Variants in NSD2 observed in about 807,000 individuals in gnomAD.
The protein encoded by NSD2 is histone-lysine N-methyltransferase NSD2.
NSD2 carries 12 observed loss-of-function variants against 139.0 expected under a neutral mutation model. That is an observed-to-expected ratio of 0.09 (90% CI 0.06 to 0.14). NSD2 has a LOEUF of 0.14. Ranked by LOEUF, NSD2 falls within the 10% of genes least tolerant of loss-of-function variation. The probability of loss-of-function intolerance (pLI) is 1.00; values close to 1 mark genes in which losing one functional copy is unlikely to be tolerated. For missense variants in NSD2, 1,155 were observed against 1,745.0 expected, an observed-to-expected ratio of 0.66 and a Z score of 6.02; for synonymous variants, 669 against 648.7, an observed-to-expected ratio of 1.03 and a Z score of -0.48.
intron 6 of NSD2, among the ~76,000 whole-genome samples, chr4:1,934,211 G>A (rs188782827): frequency 6.6e-6 from 1 of 151,648 alleles, no homozygotes; most frequent in East Asian, 2.0e-4. Flanking sequence ...TCAGCCTCCT[G>A]TGTAGCTGAG....
chr4:1,895,700 C>T (rs1430355138), intron 1 of NSD2, among the ~76,000 whole-genome samples: 6 of 152,190 alleles, frequency 3.9e-5, no homozygotes, highest in East Asian at 1.9e-4. Context: ...GTGGCTCTCC[C>T]GGGGAGAGGG....
In NSD2 at chr4:1,911,598, AAAAAAAAAAG is replaced by A. The variant is rs1560621291; in HGVS notation, c.761-5263_761-5254del. 7.8e-4 allele frequency among the ~76,000 whole-genome samples: 115 copies of A among 148,346 alleles called. 3 individuals carry two copies. The South Asian group carries it at 0.02, about 26-fold the overall frequency. ...GCGAGACGCCATCTCAAAAAAAAAA[AAAAAAAAAAG>A]AAAAAAAAAAAGAAAGAAAGAAATT... On this transcript the variant is annotated intron_variant, in intron 3 of 21. Transcript: ENST00000508803.
At chr4:1,883,303 C>A (rs1402797103) in intron 1 of NSD2, among the ~76,000 whole-genome samples, 1 of 151,956 alleles carries the variant, frequency 6.6e-6, no homozygotes, top group African/African-American at 2.4e-5. Context: ...TCAATGAACC[C>A]CACCTTGATA....
At position 1,918,465 on chromosome 4, in the gene NSD2, A is replaced by G; in HGVS notation, c.1252A>G (p.Ile418Val). 4.3e-6 allele frequency: 7 copies of G among 1,614,112 alleles called. No individual in the cohort carries two copies. The highest frequency in any genetic ancestry group is 5.9e-6 in the Non-Finnish European group (7 of 1,180,026). The change falls in exon 5 of 22, where the codon ATA (isoleucine) becomes GTA (valine). Residue 418 changes from isoleucine (I) to valine (V), a missense_variant. Physicochemically the swap from Ile to Val is conservative, Grantham distance 29. Coordinates refer to ENST00000508803, the MANE Select transcript of NSD2 (RefSeq NM_001042424.3). ...SAETLESHPD[I>V]GKSTPQKTAE... ...AGAGACCCTGGAGAGTCACCCCGAC[A>G]TAGGGAAGAGTACTCCTCAAAAGAC...
intron 6 of NSD2, among the ~76,000 whole-genome samples, chr4:1,933,763 G>T (rs1437608790): frequency 2.0e-5 from 3 of 152,152 alleles, no homozygotes; most frequent in African/African-American, 4.8e-5. Context: ...TCATGCAAAT[G>T]ATAATATTGG....
intron 5 of NSD2, among the ~76,000 whole-genome samples, chr4:1,929,354 A>G (rs1201466925): frequency 6.6e-6 from 1 of 152,196 alleles, no homozygotes; most frequent in African/African-American, 2.4e-5. Flanking sequence ...TAACCAACCA[A>G]CATTAACCTG....
intron 5 of NSD2, among the ~76,000 whole-genome samples, chr4:1,924,530 T>C (rs1720593270): frequency 6.6e-6 from 1 of 152,144 alleles, no homozygotes; most frequent in Non-Finnish European, 1.5e-5. Context: ...ATGGTCCTTC[T>C]AGTGCTAAGA....
intron 5 of NSD2, among the ~76,000 whole-genome samples, chr4:1,922,009 G>A (rs1018076594): frequency 3.9e-5 from 6 of 151,992 alleles, no homozygotes; most frequent in African/African-American, 9.7e-5. Context: ...TTAGCCAGGC[G>A]TGGTGATGCG....
intron 1 of NSD2, among the ~76,000 whole-genome samples, chr4:1,877,732 G>T (rs1226488345): frequency 6.6e-6 from 1 of 152,148 alleles, no homozygotes; most frequent in Admixed American, 6.5e-5. Context: ...CTGCAGCTCT[G>T]CTGCCTCCGA....
chr4:1,872,563 T>TG (rs1713873588), intron 1 of NSD2, among the ~76,000 whole-genome samples: 3 of 116,716 alleles, frequency 2.6e-5, no homozygotes, highest in East Asian at 2.6e-4. Flanking sequence ...TAACGTGTAT[T>TG]TTGTGTGTGT....
At chr4:1,911,853 G>A (rs567162945) in intron 3 of NSD2, among the ~76,000 whole-genome samples, 1 of 152,132 alleles carries the variant, frequency 6.6e-6, no homozygotes, top group Non-Finnish European at 1.5e-5. Flanking sequence ...ACAAACTTGG[G>A]ATCAGATTAC....
In NSD2 at chr4:1,955,383, C is replaced by A; in HGVS notation, c.2518+43C>A. ...GTCTGCGGCACACGCCTCTCACACT[C>A]CCAGGAGCCACATATCAAGGCAGGC... On this transcript the variant is annotated intron_variant, in intron 13 of 21. Coordinates refer to ENST00000508803, the MANE Select transcript of NSD2 (RefSeq NM_001042424.3). The surrounding 1 kb of genome is among the most constrained non-coding windows in gnomAD (Gnocchi z 4.7). 6.4e-7 allele frequency: 1 copy of A among 1,571,702 alleles called. No individual in the cohort carries two copies. The highest frequency in any genetic ancestry group is 8.7e-7 in the Non-Finnish European group (1 of 1,155,352).
At chr4:1,911,616 A>AAAAG (rs1293509859) in intron 3 of NSD2, among the ~76,000 whole-genome samples, 1 of 150,846 alleles carries the variant, frequency 6.6e-6, no homozygotes, top group Non-Finnish European at 1.5e-5. Flanking sequence ...AAGAAAAAAA[A>AAAAG]AAAGAAAGAA....
intron 18 of NSD2, among the ~76,000 whole-genome samples, chr4:1,971,016 A>T (rs1726413079): frequency 6.6e-6 from 1 of 152,232 alleles, no homozygotes; most frequent in African/African-American, 2.4e-5. Context: ...ATAAAACCGA[A>T]TTCTCTGCAG....
chr4:1,946,594 A>C, intron 9 of NSD2: 3 of 1,025,102 alleles, frequency 2.9e-6, no homozygotes, highest in Non-Finnish European at 3.5e-6. Context: ...TAAAAGAAAT[A>C]TTCTGATTCA....
chr4:1,975,554 C>G (rs753687101), intron 20 of NSD2, 154 bp downstream of exon 20: 4 of 645,356 alleles, frequency 6.2e-6, no homozygotes, highest in Non-Finnish European at 1.1e-5. Context: ...GGGAGGATGG[C>G]TCTCAACAAA....
chr4:1,901,300 C>T, intron 2 of NSD2, 49 bp downstream of exon 2: 2 of 1,478,260 alleles, frequency 1.4e-6, no homozygotes, highest in Non-Finnish European at 9.1e-7. Context: ...GAGCAGTGAG[C>T]ATGGCCACCC....
At chr4:1,934,893 A>G (rs1312947162) in intron 6 of NSD2, among the ~76,000 whole-genome samples, 2 of 128,072 alleles carry the variant, frequency 1.6e-5, no homozygotes, top group Non-Finnish European at 3.2e-5. Flanking sequence ...ATATATATAT[A>G]TATATATATA....
intron 1 of NSD2, among the ~76,000 whole-genome samples, chr4:1,878,249 A>ATATTTTT: frequency 2.9e-5 from 1 of 34,930 alleles, no homozygotes; most frequent in South Asian, 1.6e-3. Context: ...ATATATATAT[A>ATATTTTT]TATTTTTTTT....
Sources: allele counts gnomAD v4.1 joint callset (sites outside exome capture counted in the v4.1 genomes callset), GRCh38; gene constraint gnomAD v4.1.1; non-coding constraint Gnocchi (gnomAD v3.1); transcripts MANE v1.5; gene names NCBI Gene and HGNC (gene_info 2026-07-23, HGNC 2026-07-21).